The following SCHIP1 variants were observed in gnomAD, a reference collection of about 807,000 sequenced individuals.
SCHIP1 encodes the protein schwannomin-interacting protein 1.
A neutral mutation model predicts 29.7 loss-of-function variants in SCHIP1; 8 were observed. That is an observed-to-expected ratio of 0.27 (90% CI 0.16 to 0.49). The LOEUF is 0.49. SCHIP1 is among the 20% of genes least tolerant of loss of function. The pLI is 0.99. For missense variants in SCHIP1, 193 were observed against 294.6 expected (o/e 0.66, Z 2.52); for synonymous variants, 76 against 94.9 (o/e 0.80, Z 1.16).
chr3:159,273,513 C>A, the SCHIP1 span: 1 of 1,143,936 alleles, frequency 8.7e-7, no homozygotes, highest in Non-Finnish European at 1.1e-6. Flanking sequence ...TCCGAGTAGC[C>A]TTGTCTTCTC....
the SCHIP1 span, among the ~76,000 whole-genome samples, chr3:159,392,583 A>ATAGT: frequency 6.6e-6 from 1 of 151,174 alleles, no homozygotes; most frequent in Non-Finnish European, 1.5e-5. Context: ...TGTTCTTGTG[A>ATAGT]TAGTTTACTG....
chr3:159,464,373 A>C, the SCHIP1 span, among the ~76,000 whole-genome samples: 2 of 152,182 alleles, frequency 1.3e-5, no homozygotes, highest in Non-Finnish European at 2.9e-5. Context: ...ATGATGCCAC[A>C]GGTGACATTT....
chr3:159,284,583 G>A, the SCHIP1 span, among the ~76,000 whole-genome samples: 3 of 152,110 alleles, frequency 2.0e-5, no homozygotes, highest in African/African-American at 7.2e-5. Context: ...CTGCTTCCCG[G>A]GTTAAAACGA....
At chr3:159,300,340 C>T in the SCHIP1 span, among the ~76,000 whole-genome samples, 4 of 151,574 alleles carry the variant, frequency 2.6e-5, no homozygotes, top group Non-Finnish European at 5.9e-5. Flanking sequence ...CACTATGTTG[C>T]CCAGACTCAT....
At chr3:159,731,135 A>G in the SCHIP1 span, among the ~76,000 whole-genome samples, 1 of 152,240 alleles carries the variant, frequency 6.6e-6, no homozygotes, top group East Asian at 1.9e-4. Flanking sequence ...AGCAAAAAAG[A>G]GTAGGTGCTG....
the SCHIP1 span, among the ~76,000 whole-genome samples, chr3:159,439,730 T>A: frequency 6.6e-6 from 1 of 152,200 alleles, no homozygotes; most frequent in Non-Finnish European, 1.5e-5. Flanking sequence ...TTAATGGAGT[T>A]GTTTTTTTCT....
the SCHIP1 span, among the ~76,000 whole-genome samples, chr3:159,793,835 A>G: frequency 6.6e-6 from 1 of 152,146 alleles, no homozygotes; most frequent in Non-Finnish European, 1.5e-5. Context: ...TGGGATTACA[A>G]GCGTGAGCCA....
chr3:159,298,408 G>A, the SCHIP1 span, among the ~76,000 whole-genome samples: 5 of 152,082 alleles, frequency 3.3e-5, no homozygotes, highest in African/African-American at 4.8e-5. Flanking sequence ...CAAATCATAC[G>A]TGTCACCTAC....
the SCHIP1 span, among the ~76,000 whole-genome samples, chr3:159,541,802 A>G: frequency 6.6e-6 from 1 of 152,134 alleles, no homozygotes; most frequent in African/African-American, 2.4e-5. Context: ...TTTGCCTTGT[A>G]TGAGGGAATA....
At chr3:159,776,582 G>A in the SCHIP1 span, among the ~76,000 whole-genome samples, 4 of 152,254 alleles carry the variant, frequency 2.6e-5, no homozygotes, top group Middle Eastern at 3.4e-3. Context: ...GACCCAAATA[G>A]CGTTTAAAAT....
the SCHIP1 span, among the ~76,000 whole-genome samples, chr3:159,577,015 C>T: frequency 6.6e-6 from 1 of 152,042 alleles, no homozygotes; most frequent in African/African-American, 2.4e-5. Context: ...TCTGTATTGC[C>T]AAAAGCAGTC....
chr3:159,498,821 T>A, the SCHIP1 span, among the ~76,000 whole-genome samples: 1 of 152,204 alleles, frequency 6.6e-6, no homozygotes, highest in Non-Finnish European at 1.5e-5. Context: ...GATCCTTAGA[T>A]GTCATTGATT....
intron 2 of SCHIP1, among the ~76,000 whole-genome samples, 189 bp downstream of exon 3, chr3:159,866,470 GTTA>G (rs1048784889): frequency 2.0e-5 from 3 of 151,688 alleles, no homozygotes; most frequent in African/African-American, 7.3e-5. Context: ...TGTTGTTGTT[GTTA>G]TTATTGGCTC....
At chr3:159,765,367 G>C in the SCHIP1 span, 3 of 495,612 alleles carry the variant, frequency 6.1e-6, no homozygotes, top group East Asian at 7.3e-5. Flanking sequence ...GGAGCAGCCA[G>C]AGGGCAGCGG....
At chr3:159,717,262 G>A in the SCHIP1 span, among the ~76,000 whole-genome samples, 1 of 152,112 alleles carries the variant, frequency 6.6e-6, no homozygotes, top group Non-Finnish European at 1.5e-5. Flanking sequence ...AGCACTAAAT[G>A]CCCACAAGAG....
At chr3:159,422,257 C>T in the SCHIP1 span, among the ~76,000 whole-genome samples, 3 of 152,096 alleles carry the variant, frequency 2.0e-5, no homozygotes, top group Admixed American at 1.3e-4. Flanking sequence ...AAGCATGTTA[C>T]CCACTTATCC....
At chr3:159,758,944 AC>A in the SCHIP1 span, among the ~76,000 whole-genome samples, 1 of 152,224 alleles carries the variant, frequency 6.6e-6, no homozygotes, top group African/African-American at 2.4e-5. Context: ...TTCATTTCAA[AC>A]ATACATTCAC....
the SCHIP1 span, among the ~76,000 whole-genome samples, chr3:159,415,614 A>G: frequency 2.0e-5 from 3 of 152,216 alleles, no homozygotes; most frequent in Non-Finnish European, 4.4e-5. Flanking sequence ...ATGTTCCCAC[A>G]AAAGACATGA....
At position 159,868,002 on chromosome 3, in the gene SCHIP1, T is replaced by TTA. The variant is rs1257484064; in HGVS notation, c.149+1732_149+1733dup. On this transcript the variant is annotated intron_variant, in intron 2 of 6. Coordinates refer to ENST00000445224, the Ensembl canonical transcript of SCHIP1. ...ATATATATATATATAAATCAATGAT[T>TTA]TATATATATATAAATCAATGATTTT... Among the ~76,000 whole-genome samples, 142 of 117,074 alleles carry TTA rather than the reference T, an allele frequency of 1.2e-3. 1 individual carries two copies. The highest frequency in any genetic ancestry group is 5.4e-3 in the Middle Eastern group (1 of 186). The allele number at this position is 117,074 out of a possible 152,430, so 76.8% of individuals were successfully genotyped here. A position where few individuals can be genotyped will look rare whatever the true frequency, so the allele number is the denominator to read the frequency against.
Sources: allele counts gnomAD v4.1 joint callset (sites outside exome capture counted in the v4.1 genomes callset), GRCh38; gene constraint gnomAD v4.1.1; transcripts MANE v1.5; gene names NCBI Gene and HGNC (gene_info 2026-07-23, HGNC 2026-07-21).